The following M1AP variants were observed in gnomAD, a reference collection of about 807,000 sequenced individuals.
M1AP encodes the protein meiosis 1 arrest protein.
A neutral mutation model predicts 51.2 loss-of-function variants in M1AP; 39 were observed. The observed-to-expected ratio is 0.76, with a 90% CI of 0.59 to 1.00. The LOEUF (loss-of-function observed/expected upper bound fraction) is 1.00. M1AP is among the 50% of genes least tolerant of loss of function. The probability of loss-of-function intolerance (pLI) is 0.00; values close to 1 mark genes in which losing one functional copy is unlikely to be tolerated. For missense variants in M1AP, 545 were observed against 641.2 expected, an observed-to-expected ratio of 0.85 and a Z score of 1.62; for synonymous variants, 251 against 249.2, an observed-to-expected ratio of 1.01 and a Z score of -0.07.
chr2:74,591,220 T>C (rs1434639494), intron 4 of M1AP, among the ~76,000 whole-genome samples: 1 of 152,242 alleles, frequency 6.6e-6, no homozygotes, highest in Non-Finnish European at 1.5e-5. Context: ...GAAAATTTTC[T>C]CTTCAATAAA....
At chr2:74,634,042 A>G (rs1490613308) in intron 2 of M1AP, among the ~76,000 whole-genome samples, 1 of 152,254 alleles carries the variant, frequency 6.6e-6, no homozygotes, top group Non-Finnish European at 1.5e-5. Context: ...AAGCTAAAAG[A>G]TAACAATAGA....
At chr2:74,567,864 T>C (rs1473966526) in intron 7 of M1AP, among the ~76,000 whole-genome samples, 1 of 152,176 alleles carries the variant, frequency 6.6e-6, no homozygotes, top group East Asian at 1.9e-4. Context: ...GCCTATCTGA[T>C]GAAGTGATCA....
rs748323045 is a variant in M1AP at position 74,607,158 on chromosome 2, A to G, written c.492T>C (p.Asp164=). The change falls in exon 4 of 11, where the codon GAT becomes GAC. Residue 164 remains aspartate (D), a synonymous_variant. Transcript: ENST00000421985. ...ACCTCCTGACTCTGGCTAGGTCTGT[A>G]TCTTTCAACCCTTCCTCCAACTGTT... ...VVKQLEEGLK[D]TDLARVRRFQ... The G allele has an allele frequency of 4.5e-5, 73 of 1,614,058 alleles. No homozygotes were observed. Among genetic ancestry groups the G allele is most frequent in the Admixed American group, 3.7e-4 (22 of 60,008 alleles).
chr2:74,590,177 G>T (rs947605221), intron 4 of M1AP, among the ~76,000 whole-genome samples: 1 of 152,142 alleles, frequency 6.6e-6, no homozygotes, highest in African/African-American at 2.4e-5. Flanking sequence ...ATTTCTCACC[G>T]TTTTGGAGGC....
intron 1 of M1AP, among the ~76,000 whole-genome samples, chr2:74,645,037 C>T (rs1307332781): frequency 6.6e-6 from 1 of 152,186 alleles, no homozygotes; most frequent in Non-Finnish European, 1.5e-5. Context: ...ATAAATCTTG[C>T]CGCTGCTCAC....
intron 8 of M1AP, 57 bp from the exon 9 acceptor site, chr2:74,560,348 T>C (rs1390298990): frequency 6.6e-6 from 10 of 1,518,218 alleles, no homozygotes; most frequent in African/African-American, 2.8e-5. Context: ...GAACACAAGA[T>C]GTCAGGTAGC....
chr2:74,583,056 T>C (rs141148489), intron 4 of M1AP, among the ~76,000 whole-genome samples: 1 of 151,226 alleles, frequency 6.6e-6, no homozygotes, highest in Non-Finnish European at 1.5e-5. Context: ...AAATAAAACA[T>C]GGGAGAAAGA....
At chr2:74,593,278 A>T (rs1307608079) in intron 4 of M1AP, among the ~76,000 whole-genome samples, 1 of 152,236 alleles carries the variant, frequency 6.6e-6, no homozygotes, top group Non-Finnish European at 1.5e-5. Flanking sequence ...AACCAAATTG[A>T]AAAAGAGTAA....
chr2:74,563,689 A>G (rs1678187572), intron 7 of M1AP, among the ~76,000 whole-genome samples: 1 of 151,788 alleles, frequency 6.6e-6, no homozygotes, highest in South Asian at 2.1e-4. Flanking sequence ...ATCTCAGCCA[A>G]TCACAGGACA....
Position 74,558,533 on chromosome 2 carries a change from G to A in M1AP, c.*183C>T. ...CTGGAGAAAGGACAGGCTCGGGTGT[G>A]TCGCTTCCAGACTTGAGGAGTGGGA... On this transcript the variant is annotated 3_prime_UTR_variant, in exon 11 of 11. Transcript: ENST00000421985. The A allele has an allele frequency of 1.6e-6, 1 of 608,856 alleles. No individual in the cohort carries two copies. Among genetic ancestry groups the A allele is most frequent in the Non-Finnish European group, 2.8e-6 (1 of 361,662 alleles). 37.7% of individuals were successfully genotyped at this position (608,856 alleles called of 1,614,324 possible). A position where few individuals can be genotyped will look rare whatever the true frequency, so the allele number is the denominator to read the frequency against.
chr2:74,574,471 A>T (rs1161852117), intron 7 of M1AP, among the ~76,000 whole-genome samples: 2 of 152,204 alleles, frequency 1.3e-5, no homozygotes, highest in Admixed American at 1.3e-4. Context: ...TGCTCATCTC[A>T]TCTTGACTTC....
intron 2 of M1AP, among the ~76,000 whole-genome samples, chr2:74,622,950 T>C (rs1573166186): frequency 8.1e-6 from 1 of 124,154 alleles, no homozygotes; most frequent in Middle Eastern, 3.7e-3. Flanking sequence ...TAAAAAAAAA[T>C]AGAGTGGAAA....
chr2:74,597,162 AT>A (rs1287269003), intron 4 of M1AP, among the ~76,000 whole-genome samples: 26 of 152,246 alleles, frequency 1.7e-4, no homozygotes, highest in Admixed American at 1.3e-3. Context: ...CAATTTTTAA[AT>A]ACTTTTAGAT....
intron 3 of M1AP, among the ~76,000 whole-genome samples, chr2:74,614,386 T>C (rs1681543157): frequency 6.6e-6 from 1 of 152,192 alleles, no homozygotes; most frequent in Non-Finnish European, 1.5e-5. Context: ...ACACGATTAT[T>C]TTTTGTCCTG....
intron 8 of M1AP, 103 bp from the exon 9 acceptor site, chr2:74,560,394 A>C (rs1573051022): frequency 3.2e-6 from 4 of 1,233,630 alleles, no homozygotes; most frequent in African/African-American, 1.5e-5. Flanking sequence ...GAAGTGTGAA[A>C]CCCCAGGGCT....
At position 74,570,905 on chromosome 2, in the gene M1AP, G is replaced by T. The variant is rs79449082; in HGVS notation, c.1074+4533C>A. On this transcript the variant is annotated intron_variant, in intron 7 of 10. Transcript: ENST00000421985. ...TAATCTGTTGGCATTATGTGAAATG[G>T]ACTAGGAATGGGAAGCACTAAAAAA... Among the ~76,000 whole-genome samples, 1,333 of 152,286 alleles carry T rather than the reference G, an allele frequency of 8.8e-3. 24 individuals carry two copies. Among genetic ancestry groups the T allele is most frequent in the African/African-American group, 0.031 (1,268 of 41,550 alleles).
At chr2:74,578,435 G>A (rs1679212142) in intron 5 of M1AP, among the ~76,000 whole-genome samples, 1 of 151,788 alleles carries the variant, frequency 6.6e-6, no homozygotes, top group South Asian at 2.1e-4. Flanking sequence ...AGGCCCCGGT[G>A]TATGATGTTC....
At chr2:74,621,709 C>T (rs931713376) in intron 2 of M1AP, among the ~76,000 whole-genome samples, 1 of 151,900 alleles carries the variant, frequency 6.6e-6, no homozygotes, top group South Asian at 2.1e-4. Flanking sequence ...AGGAGAATGG[C>T]GTAAACCCGG....
chr2:74,595,004 T>A (rs1184028341), intron 4 of M1AP, among the ~76,000 whole-genome samples: 1 of 152,098 alleles, frequency 6.6e-6, no homozygotes, highest in Non-Finnish European at 1.5e-5. Context: ...ATAAGATAAA[T>A]TTCTTGAAAT....
Sources: allele counts gnomAD v4.1 joint callset (sites outside exome capture counted in the v4.1 genomes callset), GRCh38; gene constraint gnomAD v4.1.1; transcripts MANE v1.5; gene names NCBI Gene and HGNC (gene_info 2026-07-23, HGNC 2026-07-21).